WDR27: variants seen among roughly 807,000 people sequenced by gnomAD.
WDR27 encodes the protein WD repeat domain 27.
In WDR27, 100 loss-of-function variants were observed where a neutral mutation model predicts 114.4. The observed-to-expected ratio is 0.87, with a 90% CI of 0.74 to 1.03. The LOEUF is 1.03. WDR27 is among the 50% of genes least tolerant of loss of function. The probability of loss-of-function intolerance (pLI) is 0.00; values close to 1 mark genes in which losing one functional copy is unlikely to be tolerated. For missense variants in WDR27, 1,129 were observed against 1,092.9 expected, an observed-to-expected ratio of 1.03 and a Z score of -0.47; for synonymous variants, 449 against 423.1, an observed-to-expected ratio of 1.06 and a Z score of -0.75.
intron 24 of WDR27, among the ~76,000 whole-genome samples, chr6:169,578,031 T>C (rs1024892241): frequency 3.7e-4 from 57 of 152,276 alleles, no homozygotes; most frequent in African/African-American, 1.3e-3. Flanking sequence ...TCTTCACCCA[T>C]TGATTCCCCT....
At chr6:169,687,445 C>CA (rs1393413493) in intron 2 of WDR27, among the ~76,000 whole-genome samples, 1 of 151,952 alleles carries the variant, frequency 6.6e-6, no homozygotes, top group Non-Finnish European at 1.5e-5. Flanking sequence ...ACATATATCA[C>CA]AAAAAACAAT....
At chr6:169,469,374 G>C (rs2115321214) in intron 25 of WDR27, among the ~76,000 whole-genome samples, 3 of 152,322 alleles carry the variant, frequency 2.0e-5, no homozygotes, top group Admixed American at 2.0e-4. Context: ...AGGGGTGACA[G>C]GTCCCAAGGA....
chr6:169,647,389 C>T (rs1001221793), intron 16 of WDR27, among the ~76,000 whole-genome samples: 3 of 152,250 alleles, frequency 2.0e-5, no homozygotes, highest in Non-Finnish European at 4.4e-5. Context: ...GCAGAGGCCG[C>T]GTCTCCAGAG....
chr6:169,541,229 C>G (rs999859105), intron 25 of WDR27, among the ~76,000 whole-genome samples: 1 of 151,012 alleles, frequency 6.6e-6, no homozygotes, highest in Non-Finnish European at 1.5e-5. Context: ...AAATAACATA[C>G]ACAAAACCAG....
chr6:169,496,814 T>C (rs552901215), intron 25 of WDR27, among the ~76,000 whole-genome samples: 1 of 152,270 alleles, frequency 6.6e-6, no homozygotes, highest in East Asian at 1.9e-4. Flanking sequence ...AATGGAAACA[T>C]ATTCCATGTT....
chr6:169,619,207 A>C, intron 21 of WDR27, among the ~76,000 whole-genome samples: 1 of 152,204 alleles, frequency 6.6e-6, no homozygotes, highest in East Asian at 1.9e-4. Context: ...CAAAAAGCTA[A>C]GATTTTAAAA....
chr6:169,571,579 G>A (rs1801431655), intron 25 of WDR27, among the ~76,000 whole-genome samples: 1 of 152,210 alleles, frequency 6.6e-6, no homozygotes, highest in African/African-American at 2.4e-5. Context: ...TGCAATCCCA[G>A]CACTTTGGGA....
intron 25 of WDR27, among the ~76,000 whole-genome samples, chr6:169,475,708 T>C (rs1195834364): frequency 6.6e-6 from 1 of 152,234 alleles, no homozygotes; most frequent in Non-Finnish European, 1.5e-5. Flanking sequence ...AAAATATACA[T>C]GGGTCTCCCT....
At chr6:169,520,008 T>G (rs1794168870) in intron 25 of WDR27, among the ~76,000 whole-genome samples, 1 of 152,154 alleles carries the variant, frequency 6.6e-6, no homozygotes, top group South Asian at 2.1e-4. Flanking sequence ...GACCTCTCCC[T>G]CCCTAAACCC....
intron 15 of WDR27, among the ~76,000 whole-genome samples, chr6:169,648,530 G>A (rs1821397289): frequency 6.6e-6 from 1 of 152,274 alleles, no homozygotes; most frequent in Non-Finnish European, 1.5e-5. Flanking sequence ...ATATCAGGCA[G>A]AACGTGGCAG....
intron 25 of WDR27, among the ~76,000 whole-genome samples, chr6:169,495,226 T>C (rs1416893818): frequency 6.6e-6 from 1 of 152,048 alleles, no homozygotes; most frequent in Non-Finnish European, 1.5e-5. Flanking sequence ...GGTAGATAGA[T>C]AAATAAACAG....
chr6:169,633,343 C>A (rs537197095), intron 20 of WDR27, among the ~76,000 whole-genome samples: 50 of 152,178 alleles, frequency 3.3e-4, no homozygotes, highest in African/African-American at 1.2e-3. Context: ...GGTGTGAGTT[C>A]CAGCTTTAGA....
intron 21 of WDR27, among the ~76,000 whole-genome samples, chr6:169,615,077 T>C (rs1327293543): frequency 6.6e-6 from 1 of 151,834 alleles, no homozygotes; most frequent in Non-Finnish European, 1.5e-5. Flanking sequence ...AAATTCAGGA[T>C]AAGTAGAAAG....
At chr6:169,520,770 T>C (rs919684996) in intron 25 of WDR27, among the ~76,000 whole-genome samples, 1 of 151,358 alleles carries the variant, frequency 6.6e-6, no homozygotes, top group Non-Finnish European at 1.5e-5. Context: ...CTCTCAACAG[T>C]AGAATGGATC....
chr6:169,646,832 T>C (rs1432239490), intron 16 of WDR27, among the ~76,000 whole-genome samples: 1 of 152,078 alleles, frequency 6.6e-6, no homozygotes, highest in Non-Finnish European at 1.5e-5. Flanking sequence ...TGAAGGAATG[T>C]TCAGTCTATC....
chr6:169,664,683 A>C (rs1324170938), intron 7 of WDR27: 1 of 1,014,570 alleles, frequency 9.9e-7, no homozygotes, highest in Non-Finnish European at 1.2e-6. Context: ...AAGGAAAAAA[A>C]AAATCTAAGT....
the WDR27 span, among the ~76,000 whole-genome samples, chr6:169,440,804 T>C: frequency 6.6e-6 from 1 of 152,214 alleles, no homozygotes; most frequent in Non-Finnish European, 1.5e-5. Flanking sequence ...TGGTCCTTTC[T>C]ACAGAGCTGG....
chr6:169,449,168 G>T, the WDR27 span, among the ~76,000 whole-genome samples: 2 of 152,164 alleles, frequency 1.3e-5, no homozygotes, highest in African/African-American at 4.8e-5. Flanking sequence ...ATAGAATGTA[G>T]CCTACAGAGC....
At chr6:169,447,369 T>C in the WDR27 span, among the ~76,000 whole-genome samples, 1 of 152,242 alleles carries the variant, frequency 6.6e-6, no homozygotes, top group African/African-American at 2.4e-5. Context: ...TCAATTTTTT[T>C]AAATGTTTGA....
Sources: allele counts gnomAD v4.1 joint callset (sites outside exome capture counted in the v4.1 genomes callset), GRCh38; gene constraint gnomAD v4.1.1; transcripts MANE v1.5; gene names NCBI Gene and HGNC (gene_info 2026-07-23, HGNC 2026-07-21).